Variants in VEPH1 observed in about 807,000 individuals in gnomAD.
VEPH1 encodes ventricular zone-expressed PH domain-containing protein homolog 1.
Under a neutral mutation model 85.2 loss-of-function variants are expected in VEPH1, and 80 were observed. The observed-to-expected ratio is 0.94, with a 90% CI of 0.78 to 1.13. VEPH1 has a LOEUF of 1.13. VEPH1 is among the 50% of genes most tolerant of loss of function. The pLI, the probability that VEPH1 is intolerant of heterozygous loss-of-function variation, is 0.00. For missense variants in VEPH1, 955 were observed against 980.5 expected, an observed-to-expected ratio of 0.97 and a Z score of 0.35; for synonymous variants, 297 against 348.0, an observed-to-expected ratio of 0.85 and a Z score of 1.63.
intron 11 of VEPH1, among the ~76,000 whole-genome samples, chr3:157,307,357 T>C (rs548716429): frequency 7.1e-4 from 108 of 152,112 alleles, no homozygotes; most frequent in African/African-American, 2.6e-3. Context: ...TAACTTTCGA[T>C]ATTTTCTTCT....
intron 13 of VEPH1, among the ~76,000 whole-genome samples, chr3:157,264,448 T>C (rs1241255249): frequency 6.6e-6 from 1 of 152,212 alleles, no homozygotes; most frequent in Non-Finnish European, 1.5e-5. Context: ...AAATCTCGTA[T>C]ATGTCTTTAT....
At chr3:157,324,777 G>GA (rs1721718455) in intron 9 of VEPH1, among the ~76,000 whole-genome samples, 1 of 151,832 alleles carries the variant, frequency 6.6e-6, no homozygotes, top group South Asian at 2.1e-4. Context: ...TTGCTATTGT[G>GA]AATAGCGCTG....
chr3:157,470,180 C>T, intron 3 of VEPH1, 134 bp downstream of exon 3: 1 of 767,920 alleles, frequency 1.3e-6, no homozygotes, highest in Admixed American at 2.6e-5. Context: ...GCCCTCCCAG[C>T]TATTGATGGC....
intron 4 of VEPH1, among the ~76,000 whole-genome samples, chr3:157,432,494 A>T (rs1055660671): frequency 1.3e-5 from 2 of 152,054 alleles, no homozygotes; most frequent in African/African-American, 4.8e-5. Flanking sequence ...CATAGGAGGA[A>T]GAAGTTTAAT....
rs1732142134 is a variant in VEPH1, at chr3:157,419,151, C to T, written c.697-5061G>A. ...ATATGCAGAAGACTGAAATAGGATC[C>T]CTTCCTTACGCCTCATAAAAAAATT... On this transcript the variant is annotated intron_variant, in intron 5 of 13. Transcript: ENST00000362010. Among the ~76,000 whole-genome samples the T allele has an allele frequency of 2.6e-5, 4 of 152,158 alleles. No individual in the cohort carries two copies. In the South Asian group the frequency reaches 8.3e-4, roughly 32 times the overall value.
intron 6 of VEPH1, among the ~76,000 whole-genome samples, chr3:157,404,362 A>G (rs1731001541): frequency 6.6e-6 from 1 of 152,190 alleles, no homozygotes. Context: ...CCAGAAAACC[A>G]TCAGATGCTA....
intron 12 of VEPH1, among the ~76,000 whole-genome samples, chr3:157,280,152 C>T (rs1421945911): frequency 1.3e-5 from 2 of 151,880 alleles, no homozygotes; most frequent in African/African-American, 4.8e-5. Flanking sequence ...AATATGATGG[C>T]TAGAGCTCTT....
intron 7 of VEPH1, among the ~76,000 whole-genome samples, chr3:157,376,802 C>T (rs1728171670): frequency 6.6e-6 from 1 of 152,176 alleles, no homozygotes; most frequent in Admixed American, 6.5e-5. Flanking sequence ...GGCCTGAAGT[C>T]TAAAATCTGG....
At chr3:157,422,668 A>C (rs1732435184) in intron 5 of VEPH1, among the ~76,000 whole-genome samples, 1 of 152,004 alleles carries the variant, frequency 6.6e-6, no homozygotes, top group Non-Finnish European at 1.5e-5. Context: ...TCTGTCCTCA[A>C]TCCTTTCCAA....
At chr3:157,432,018 T>C (rs538419958) in intron 4 of VEPH1, among the ~76,000 whole-genome samples, 2 of 151,848 alleles carry the variant, frequency 1.3e-5, no homozygotes, top group Admixed American at 6.6e-5. Context: ...CAGCTAATTT[T>C]TTTGTATTTT....
At chr3:157,463,743 AC>A (rs1387001440) in intron 3 of VEPH1, among the ~76,000 whole-genome samples, 1 of 152,122 alleles carries the variant, frequency 6.6e-6, no homozygotes, top group Admixed American at 6.5e-5. Context: ...AGTGCACTCA[AC>A]CCCAGTGAGA....
At chr3:157,387,319 A>G (rs1016317257) in intron 6 of VEPH1, among the ~76,000 whole-genome samples, 7 of 152,202 alleles carry the variant, frequency 4.6e-5, no homozygotes, top group Non-Finnish European at 7.3e-5. Flanking sequence ...GATAATAACA[A>G]TAGTTTCCAT....
intron 4 of VEPH1, among the ~76,000 whole-genome samples, chr3:157,456,191 T>C (rs1198282125): frequency 6.6e-6 from 1 of 152,204 alleles, no homozygotes; most frequent in Non-Finnish European, 1.5e-5. Flanking sequence ...TGTCTTTTCA[T>C]GTCCTTTGCC....
chr3:157,436,982 G>A (rs368508831), intron 4 of VEPH1: 2 of 1,613,900 alleles, frequency 1.2e-6, no homozygotes, highest in African/African-American at 2.7e-5. Context: ...TGCAGTGTTG[G>A]CCGAGAACTC....
chr3:157,492,698 G>A (rs1024510150), intron 2 of VEPH1, among the ~76,000 whole-genome samples: 1 of 152,122 alleles, frequency 6.6e-6, no homozygotes, highest in Non-Finnish European at 1.5e-5. Flanking sequence ...GCTAAGCAGA[G>A]GAACATGTTA....
At chr3:157,438,184 G>T (rs189531273) in intron 4 of VEPH1, among the ~76,000 whole-genome samples, 26 of 152,098 alleles carry the variant, frequency 1.7e-4, no homozygotes, top group Non-Finnish European at 3.2e-4. Context: ...AGTTGTGGAG[G>T]TAACCATCAC....
chr3:157,377,713 T>A (rs1274792521), intron 7 of VEPH1, among the ~76,000 whole-genome samples: 1 of 152,154 alleles, frequency 6.6e-6, no homozygotes, highest in Non-Finnish European at 1.5e-5. Context: ...TTGCTTCCCC[T>A]TTGCTGTCTT....
intron 2 of VEPH1, among the ~76,000 whole-genome samples, chr3:157,471,681 A>G (rs1452690516): frequency 6.7e-6 from 1 of 148,152 alleles, no homozygotes; most frequent in African/African-American, 2.5e-5. Context: ...TACCCACGGT[A>G]CCTTATATAT....
intron 9 of VEPH1, among the ~76,000 whole-genome samples, chr3:157,334,563 C>T (rs541786451): frequency 1.5e-4 from 23 of 152,224 alleles, no homozygotes; most frequent in African/African-American, 5.5e-4. Flanking sequence ...ACCAGCATCA[C>T]CATCATTAAC....
Sources: gnomAD v4.1 joint callset for allele counts (sites outside exome capture counted in the v4.1 genomes callset) on GRCh38, gnomAD v4.1.1 for gene constraint, MANE v1.5 for transcripts, NCBI Gene and HGNC (gene_info 2026-07-23, HGNC 2026-07-21) for gene names.